Variants in SALL3 observed in about 807,000 individuals in gnomAD.
The protein encoded by SALL3 is sal-like protein 3.
SALL3 carries 25 observed loss-of-function variants against 66.2 expected under a neutral mutation model. The ratio of observed to expected loss-of-function variants is 0.38; its 90% CI spans 0.28 to 0.53. SALL3 has a LOEUF of 0.53. Among genes scored for constraint, SALL3 ranks in the 20% least tolerant of loss-of-function variants. The probability of loss-of-function intolerance (pLI) is 0.85; values close to 1 mark genes in which losing one functional copy is unlikely to be tolerated. For missense variants in SALL3, 2,194 were observed against 1,916.5 expected (o/e 1.14, Z -2.70); for synonymous variants, 1,152 against 899.1 (o/e 1.28, Z -5.03).
Position 78,993,291 on chromosome 18 carries a change from G to T in SALL3, c.1300G>T (p.Ala434Ser), listed in dbSNP as rs779594956. The change falls in exon 2 of 3, where the codon GCG becomes TCG. Residue 434 changes from alanine to serine, a missense_variant. Physicochemically the swap from Ala to Ser is moderately conservative, Grantham distance 99. Coordinates refer to ENST00000537592, the MANE Select transcript of SALL3 (RefSeq NM_171999.4). Reference protein sequence around the residue: ...FCAKVFGSDSALQIHLRSHTG... With the variant: ...FCAKVFGSDSSLQIHLRSHTG... ...CGCCAAGGTCTTCGGCAGCGACAGC[G>T]CGCTCCAGATCCACCTGCGCTCGCA... 3.7e-6 allele frequency: 6 copies of T among 1,611,412 alleles called. No individual in the cohort carries two copies. The highest frequency in any genetic ancestry group is 1.1e-5 in the South Asian group (1 of 91,020).
chr18:78,997,396 C>A lies in SALL3; in HGVS notation c.*74C>A. The A allele has an allele frequency of 6.9e-7, 1 of 1,444,372 alleles. No homozygotes were observed. The highest frequency in any genetic ancestry group is 9.6e-7 in the Non-Finnish European group (1 of 1,047,040). The allele number at this position is 1,444,372 out of a possible 1,614,324, so 89.5% of individuals were successfully genotyped here. A position where few individuals can be genotyped will look rare whatever the true frequency, so the allele number is the denominator to read the frequency against. On this transcript the variant is annotated 3_prime_UTR_variant, in exon 3 of 3. Coordinates refer to ENST00000537592, the MANE Select transcript of SALL3 (RefSeq NM_171999.4). ...AGCATCAGGCCTCCGACCTTTCTTG[C>A]CTCGGTTCTCATTACACTTTCACCC... is the stretch of plus-strand genomic sequence containing the variant.
chr18:78,990,979 CAAGAGGGT>C (rs1003942556), intron 1 of SALL3, among the ~76,000 whole-genome samples: 1 of 152,132 alleles, frequency 6.6e-6, no homozygotes, highest in African/African-American at 2.4e-5. Context: ...TTACTCGGCA[CAAGAGGGT>C]AAGGGGAGAC....
Position 78,993,743 on chromosome 18 carries a change from A to G in SALL3, c.1752A>G (p.Pro584=), listed in dbSNP as rs1191349183. 6.4e-7 allele frequency: 1 copy of G among 1,550,660 alleles called. No individual in the cohort carries two copies. Among genetic ancestry groups the G allele is most frequent in the Non-Finnish European group, 8.6e-7 (1 of 1,157,110 alleles). Residue 584 remains proline (P), a synonymous_variant, in exon 2 of 3, where the codon CCA becomes CCG. Coordinates refer to ENST00000537592, the MANE Select transcript of SALL3 (RefSeq NM_171999.4). ...GCGTGTCGGCCACCGCCGAGTCCCC[A>G]CAGTCGCTCCTCGGCGGGCCGCCCC... ...ESGVSATAES[P]QSLLGGPPLT...
chr18:78,992,504 G>A lies in SALL3; in HGVS notation c.513G>A (p.Leu171=), dbSNP rs1487234356. 2.7e-6 allele frequency: 4 copies of A among 1,475,172 alleles called. No individual in the cohort carries two copies. Among genetic ancestry groups the A allele is most frequent in the Non-Finnish European group, 3.6e-6 (4 of 1,117,616 alleles). 91.4% of individuals were successfully genotyped at this position (1,475,172 alleles called of 1,614,324 possible). The change falls in exon 2 of 3, where the codon CTG becomes CTA. Residue 171 remains leucine, a synonymous_variant. Coordinates refer to ENST00000537592, the MANE Select transcript of SALL3 (RefSeq NM_171999.4). ...GCACCAACGTGACCCTGGAGGCGCTGCTGAGCACCAAGGTGGCGGTGGCGC... is the reference window on the plus strand; with the variant it reads ...GCACCAACGTGACCCTGGAGGCGCTACTGAGCACCAAGGTGGCGGTGGCGC... The part of the protein sequence containing the change: ...APSTNVTLEA[L]LSTKVAVAQF...
Position 78,994,960 on chromosome 18 carries a change from G to A in SALL3, c.2969G>A (p.Ser990Asn), listed in dbSNP as rs1355788658. Residue 990 changes from serine (S) to asparagine (N), a missense_variant, in exon 2 of 3, where the codon AGC becomes AAC. Coordinates refer to ENST00000537592, the MANE Select transcript of SALL3 (RefSeq NM_171999.4). ...TGTGGCAAGCCTTTTGCTTGCAAGA[G>A]CGCGTTGGAAATCCACTACCGCAGC... ...GVCGKPFACK[S>N]ALEIHYRSHT... 6.2e-7 allele frequency: 1 copy of A among 1,613,768 alleles called. No individual in the cohort carries two copies.
Position 78,996,954 on chromosome 18 carries a change from G to A in SALL3, c.3535G>A (p.Glu1179Lys). Residue 1179 changes from glutamate to lysine, a missense_variant, in exon 3 of 3, where the codon GAG becomes AAG. Transcript: ENST00000537592. ...PARRGRRLSV[E>K]NPMALLGGDA... ...GAGACGCGGCCGCCGCCTGTCTGTG[G>A]AGAACCCCATGGCTCTCCTAGGGGG... 1.9e-6 allele frequency: 3 copies of A among 1,613,752 alleles called. No homozygotes were observed. The highest frequency in any genetic ancestry group is 2.5e-6 in the Non-Finnish European group (3 of 1,179,972).
At position 78,993,217 on chromosome 18, in the gene SALL3, C is replaced by T; in HGVS notation, c.1226C>T (p.Pro409Leu). ...GKPPNVSVFE[P>L]KASAEDPFFK... ...CCGCCCAATGTGTCGGTGTTCGAGCCCAAAGCCAGCGCCGAGGACCCGTTC... is the reference window on the plus strand; with the variant it reads ...CCGCCCAATGTGTCGGTGTTCGAGCTCAAAGCCAGCGCCGAGGACCCGTTC... Residue 409 changes from proline (P) to leucine (L), a missense_variant, in exon 2 of 3, where the codon CCC becomes CTC. By Grantham distance (98) the Pro-to-Leu change is moderately conservative. Transcript: ENST00000537592. 6.2e-7 allele frequency: 1 copy of T among 1,611,356 alleles called. No individual in the cohort carries two copies. The highest frequency in any genetic ancestry group is 8.5e-7 in the Non-Finnish European group (1 of 1,179,704).
In SALL3 at chr18:78,998,261, A is replaced by G. The variant is rs947999320; in HGVS notation, c.*939A>G. The G allele has an allele frequency of 2.0e-5, 3 of 152,266 alleles. No individual in the cohort carries two copies. The highest frequency in any genetic ancestry group is 2.9e-5 in the Non-Finnish European group (2 of 68,026). The allele number at this position is 152,266 out of a possible 1,614,324, so 9.4% of individuals were successfully genotyped here. On this transcript the variant is annotated 3_prime_UTR_variant, in exon 3 of 3. Coordinates refer to ENST00000537592, the MANE Select transcript of SALL3 (RefSeq NM_171999.4). ...TACTATTGCACTTTTAGTATTTTGT[A>G]TTAGGGAGGTTTGTCTATAATTTGA... is the stretch of plus-strand genomic sequence containing the variant.
chr18:78,983,517 GT>G (rs200061353), intron 1 of SALL3, among the ~76,000 whole-genome samples: 98 of 151,222 alleles, frequency 6.5e-4, no homozygotes, highest in African/African-American at 9.9e-4. Flanking sequence ...TTCAAAGTGT[GT>G]TTTTTTTTCT....
intron 2 of SALL3, among the ~76,000 whole-genome samples, chr18:78,996,233 G>T (rs1395230804): frequency 6.6e-6 from 1 of 152,200 alleles, no homozygotes; most frequent in Non-Finnish European, 1.5e-5. Flanking sequence ...CGAGTACTGG[G>T]TGGCTCAGGC....
Position 78,981,235 on chromosome 18 carries a change from C to A in SALL3, c.82+879C>A, listed in dbSNP as rs530419480. Among the ~76,000 whole-genome samples the A allele has an allele frequency of 1.4e-4, 21 of 152,260 alleles. No homozygotes were observed. In the South Asian group the frequency reaches 4.1e-3, roughly 30 times the overall value. On this transcript the variant is annotated intron_variant, in intron 1 of 2. Coordinates refer to ENST00000537592, the MANE Select transcript of SALL3 (RefSeq NM_171999.4). The stretch of plus-strand genomic sequence containing the variant: ...CCGCAAAGTTTGGGGCGCCCCCACC[C>A]CCTTCGTCGAGTCAAAACCTCGGCC...
At chr18:78,990,211 A>G (rs1223008902) in intron 1 of SALL3, among the ~76,000 whole-genome samples, 1 of 152,210 alleles carries the variant, frequency 6.6e-6, no homozygotes, top group African/African-American at 2.4e-5. Context: ...GCTTCCAGCT[A>G]TAGTCAACCT....
At chr18:78,980,545 C>T (rs1914004018) in intron 1 of SALL3, among the ~76,000 whole-genome samples, 189 bp downstream of exon 1, 1 of 151,408 alleles carries the variant, frequency 6.6e-6, no homozygotes, top group Non-Finnish European at 1.5e-5. Flanking sequence ...CGCGCGCGGC[C>T]GCCGAGAGAG....
Position 78,994,889 on chromosome 18 carries a change from C to T in SALL3, c.2898C>T (p.Phe966=), listed in dbSNP as rs1159507517. The T allele has an allele frequency of 1.2e-6, 2 of 1,611,400 alleles. No homozygotes were observed. The highest frequency in any genetic ancestry group is 3.3e-5 in the Admixed American group (2 of 59,764). Residue 966 remains phenylalanine (F), a synonymous_variant, in exon 2 of 3, where the codon TTC becomes TTT. Transcript: ENST00000537592. The part of the protein sequence containing the change: ...IKEEAPFSLL[F]LSRERGKCPS... The stretch of plus-strand genomic sequence containing the variant: ...AGGAGGCGCCCTTCAGCCTGCTGTT[C>T]CTGAGCAGGGAGCGGGGTAAGTGTC...
At chr18:78,980,412 G>A (rs1398697375) in intron 1 of SALL3, 56 bp downstream of exon 1, 3 of 1,130,352 alleles carry the variant, frequency 2.7e-6, no homozygotes, top group Middle Eastern at 3.5e-4. Context: ...GTCCGGGCTG[G>A]GGAAGCGCGT....
chr18:78,993,288 A>G lies in SALL3; in HGVS notation c.1297A>G (p.Ser433Gly), dbSNP rs1285419888. 6 of 1,611,214 alleles carry G rather than the reference A, an allele frequency of 3.7e-6. No homozygotes were observed. The highest frequency in any genetic ancestry group is 5.1e-6 in the Non-Finnish European group (6 of 1,179,746). ...RFCAKVFGSD[S>G]ALQIHLRSHT... is the part of the protein sequence containing the mutation. ...CTGCGCCAAGGTCTTCGGCAGCGAC[A>G]GCGCGCTCCAGATCCACCTGCGCTC... The change falls in exon 2 of 3, where the codon AGC becomes GGC. Residue 433 changes from serine to glycine, a missense_variant. Coordinates refer to ENST00000537592, the MANE Select transcript of SALL3 (RefSeq NM_171999.4).
intron 1 of SALL3, among the ~76,000 whole-genome samples, chr18:78,987,270 G>A (rs917598077): frequency 6.6e-6 from 1 of 152,206 alleles, no homozygotes; most frequent in Admixed American, 6.5e-5. Context: ...AGGGATTAAA[G>A]CTGAGCGAAG....
chr18:78,980,229 C>A lies in SALL3; in HGVS notation c.-46C>A. The A allele has an allele frequency of 9.9e-7, 1 of 1,007,176 alleles. No homozygotes were observed. Among genetic ancestry groups the A allele is most frequent in the Non-Finnish European group, 1.2e-6 (1 of 836,246 alleles). 62.4% of individuals were successfully genotyped at this position (1,007,176 alleles called of 1,614,324 possible). A position where few individuals can be genotyped will look rare whatever the true frequency, so the allele number is the denominator to read the frequency against. Reference sequence around the variant, plus strand: ...CCCCGCGCCGTCCCCGCCGGCCGCCCCGCTGATGCCGCTGCCCCGCGCGGG... The same window carrying A: ...CCCCGCGCCGTCCCCGCCGGCCGCCACGCTGATGCCGCTGCCCCGCGCGGG... On this transcript the variant is annotated 5_prime_UTR_variant, in exon 1 of 3. Coordinates refer to ENST00000537592, the MANE Select transcript of SALL3 (RefSeq NM_171999.4).
intron 2 of SALL3, among the ~76,000 whole-genome samples, chr18:78,996,083 T>C (rs539842764): frequency 1.6e-4 from 24 of 152,318 alleles, no homozygotes; most frequent in Middle Eastern, 3.4e-3. Context: ...CAGCAGGCCC[T>C]GTCGTTCTGT....
Sources: gnomAD v4.1 joint callset for allele counts (sites outside exome capture counted in the v4.1 genomes callset) on GRCh38, gnomAD v4.1.1 for gene constraint, MANE v1.5 for transcripts, NCBI Gene and HGNC (gene_info 2026-07-23, HGNC 2026-07-21) for gene names.